Variants in HHAT observed in about 807,000 individuals in gnomAD.
HHAT encodes protein-cysteine N-palmitoyltransferase HHAT.
In HHAT, 47 loss-of-function variants were observed where a neutral mutation model predicts 70.8. The ratio of observed to expected loss-of-function variants is 0.66; its 90% CI spans 0.53 to 0.85. The LOEUF is 0.85. Among genes scored for constraint, HHAT ranks in the 40% least tolerant of loss-of-function variants. The pLI is 0.00. For missense variants in HHAT, 609 were observed against 604.8 expected, an observed-to-expected ratio of 1.01 and a Z score of -0.07; for synonymous variants, 228 against 247.6, an observed-to-expected ratio of 0.92 and a Z score of 0.74.
chr1:210,542,556 G>A (rs1004218523), intron 9 of HHAT, among the ~76,000 whole-genome samples: 7 of 151,712 alleles, frequency 4.6e-5, no homozygotes, highest in Non-Finnish European at 1.5e-5. Flanking sequence ...CCAGCACTTC[G>A]GGAGGCTGAG....
At chr1:210,559,522 T>C (rs533685262) in intron 9 of HHAT, among the ~76,000 whole-genome samples, 14 of 152,350 alleles carry the variant, frequency 9.2e-5, no homozygotes, top group African/African-American at 3.4e-4. Context: ...CTTTGCAGAG[T>C]TGCTCTGATG....
At chr1:210,544,371 T>TTTTTTTTTTTTTTTTTTTTTGG (rs2095462864) in intron 9 of HHAT, among the ~76,000 whole-genome samples, 1 of 65,286 alleles carries the variant, frequency 1.5e-5, no homozygotes, top group Non-Finnish European at 4.8e-5. Flanking sequence ...TCTTTCGTTT[T>TTTTTTTTTTTTTTTTTTTTTGG]TTTTTTTTTT....
chr1:210,474,956 T>C (rs996401610), intron 8 of HHAT, among the ~76,000 whole-genome samples: 2 of 152,032 alleles, frequency 1.3e-5, no homozygotes, highest in Non-Finnish European at 2.9e-5. Flanking sequence ...GCTCAAGTGA[T>C]CATCCTGCCT....
At chr1:210,562,946 G>A (rs1436465231) in intron 9 of HHAT, among the ~76,000 whole-genome samples, 2 of 151,776 alleles carry the variant, frequency 1.3e-5, no homozygotes, top group Admixed American at 1.3e-4. Context: ...TGAAAATGAT[G>A]GTTTCCAGCT....
At chr1:210,435,379 A>G (rs2093350474) in intron 7 of HHAT, among the ~76,000 whole-genome samples, 2 of 151,934 alleles carry the variant, frequency 1.3e-5, no homozygotes, top group South Asian at 4.1e-4. Context: ...ATTAATGGAC[A>G]TTTAGGTTGA....
chr1:210,329,252 A>T, intron 1 of HHAT, 148 bp downstream of exon 1: 14 of 1,180,512 alleles, frequency 1.2e-5, no homozygotes, highest in East Asian at 3.6e-5. Context: ...GGACAGAGGA[A>T]GTTCCCGGTC....
At chr1:210,485,896 T>C (rs1029736956) in intron 8 of HHAT, among the ~76,000 whole-genome samples, 2 of 152,156 alleles carry the variant, frequency 1.3e-5, no homozygotes, top group African/African-American at 4.8e-5. Flanking sequence ...AGTCTCAGAC[T>C]GTATGCCCTG....
intron 7 of HHAT, among the ~76,000 whole-genome samples, chr1:210,458,419 G>A (rs910515777): frequency 6.6e-6 from 1 of 152,124 alleles, no homozygotes; most frequent in Admixed American, 6.5e-5. Context: ...TTGCCCTTCC[G>A]ATCTTATAGA....
intron 6 of HHAT, among the ~76,000 whole-genome samples, chr1:210,415,246 A>G (rs1354212959): frequency 2.6e-5 from 4 of 152,216 alleles, no homozygotes; most frequent in Non-Finnish European, 4.4e-5. Flanking sequence ...ATTAAAACAA[A>G]CGTGAATGAT....
intron 7 of HHAT, among the ~76,000 whole-genome samples, chr1:210,454,044 A>T (rs1161143307): frequency 6.6e-6 from 1 of 152,180 alleles, no homozygotes; most frequent in Non-Finnish European, 1.5e-5. Flanking sequence ...CCCCTGTTAA[A>T]CCCATCAGAT....
intron 9 of HHAT, among the ~76,000 whole-genome samples, chr1:210,579,218 C>T (rs946479273): frequency 1.3e-5 from 2 of 152,094 alleles, no homozygotes; most frequent in African/African-American, 4.8e-5. Context: ...ATGAAATTAT[C>T]TGTATAACAA....
chr1:210,627,977 T>G (rs1039823758), intron 11 of HHAT, among the ~76,000 whole-genome samples: 1 of 152,200 alleles, frequency 6.6e-6, no homozygotes, highest in Non-Finnish European at 1.5e-5. Flanking sequence ...CACTTGTTAA[T>G]AGAAGGAGCT....
At chr1:210,365,905 C>G (rs1169650970) in intron 3 of HHAT, among the ~76,000 whole-genome samples, 1 of 149,842 alleles carries the variant, frequency 6.7e-6, no homozygotes, top group Non-Finnish European at 1.5e-5. Context: ...CATGAGCCAC[C>G]ATGCCTGGCC....
chr1:210,419,737 CT>C (rs1418313852), intron 7 of HHAT, among the ~76,000 whole-genome samples: 2 of 152,322 alleles, frequency 1.3e-5, no homozygotes, highest in African/African-American at 4.8e-5. Flanking sequence ...ATGATAGTCT[CT>C]TTCTTCCAAA....
intron 8 of HHAT, among the ~76,000 whole-genome samples, chr1:210,467,452 T>C (rs1442846844): frequency 6.6e-6 from 1 of 152,224 alleles, no homozygotes; most frequent in African/African-American, 2.4e-5. Context: ...AGAATGCTTG[T>C]TAAAGGAAAC....
At chr1:210,398,119 A>G (rs1163636891) in intron 4 of HHAT, among the ~76,000 whole-genome samples, 1 of 152,224 alleles carries the variant, frequency 6.6e-6, no homozygotes, top group East Asian at 1.9e-4. Flanking sequence ...CTCTTGCAGT[A>G]TTTTAATGGT....
At chr1:210,538,364 A>T (rs1204631747) in intron 9 of HHAT, among the ~76,000 whole-genome samples, 1 of 152,190 alleles carries the variant, frequency 6.6e-6, no homozygotes, top group Non-Finnish European at 1.5e-5. Context: ...GAGGAAAAGC[A>T]GGCCTGTGAG....
intron 8 of HHAT, among the ~76,000 whole-genome samples, chr1:210,473,757 T>G (rs527519084): frequency 6.6e-6 from 1 of 152,288 alleles, no homozygotes; most frequent in African/African-American, 2.4e-5. Flanking sequence ...TTCTCTTCCT[T>G]TATCTCAGTT....
chr1:210,651,964 G>T (rs894137331), intron 11 of HHAT, among the ~76,000 whole-genome samples: 1 of 152,216 alleles, frequency 6.6e-6, no homozygotes, highest in African/African-American at 2.4e-5. Context: ...AAATGGTGTG[G>T]CTGAGGCTAA....
Sources: allele counts gnomAD v4.1 joint callset (sites outside exome capture counted in the v4.1 genomes callset), GRCh38; gene constraint gnomAD v4.1.1; transcripts MANE v1.5; gene names NCBI Gene and HGNC (gene_info 2026-07-23, HGNC 2026-07-21).